NDRG2: variants seen among roughly 807,000 people sequenced by gnomAD.
The protein encoded by NDRG2 is NDRG family member 2, also known as protein NDRG2.
In NDRG2, 34 loss-of-function variants were observed where a neutral mutation model predicts 58.2. The observed-to-expected ratio is 0.58, with a 90% CI of 0.44 to 0.78. The LOEUF (loss-of-function observed/expected upper bound fraction) is 0.78, where lower values mean the gene tolerates loss of function less well. Ranked by LOEUF, NDRG2 falls within the 30% of genes least tolerant of loss-of-function variation. The pLI is 0.00. For synonymous variants in NDRG2, 187 were observed against 175.9 expected (o/e 1.06, Z -0.50); for missense variants, 434 against 471.2 (o/e 0.92, Z 0.73).
intron 7 of NDRG2, 36 bp from the exon 8 acceptor site, chr14:21,020,618 G>A: frequency 6.2e-7 from 1 of 1,605,484 alleles, no homozygotes. Flanking sequence ...TGAGAAACAG[G>A]GCATGGCCTT....
intron 1 of NDRG2, chr14:21,058,224 C>T (rs770102071): frequency 1.2e-6 from 2 of 1,614,032 alleles, no homozygotes; most frequent in East Asian, 4.5e-5. Context: ...GGTGAGCTCA[C>T]CTCAGGGAAG....
intron 1 of NDRG2, among the ~76,000 whole-genome samples, chr14:21,060,227 C>T (rs1885886821): frequency 6.6e-6 from 1 of 152,178 alleles, no homozygotes; most frequent in South Asian, 2.1e-4. Context: ...ATCCCAGCCC[C>T]CTTCTATGCT....
Position 21,070,348 on chromosome 14 carries a change from C to T in NDRG2, c.24+480G>A. The T allele has an allele frequency of 7.1e-7, 1 of 1,404,134 alleles. No homozygotes were observed. The highest frequency in any genetic ancestry group is 9.2e-7 in the Non-Finnish European group (1 of 1,084,380). 87.0% of individuals were successfully genotyped at this position (1,404,134 alleles called of 1,614,324 possible). On this transcript the variant is annotated intron_variant, in intron 1 of 14. Coordinates refer to the NDRG2 transcript ENST00000403829. This position sits in a 1 kb window ranked among gnomAD's most constrained non-coding sequence, Gnocchi z 4.7. ...CGGCGGGAGGGAGGCGGTGGCGCGC[C>T]CGGCCCCGCCCGCCCGACCAAGCGT... is the stretch of plus-strand genomic sequence containing the variant.
chr14:21,024,698 G>C lies in NDRG2; in HGVS notation c.-675C>G. ...CGGCCCGCGAAGGCAAGCGCCATCG[G>C]GAAGGGATGGGTAGGACAGAGGAGA... On this transcript the variant is annotated 5_prime_UTR_variant, in exon 1 of 16. Coordinates refer to ENST00000556147, the MANE Select transcript of NDRG2 (RefSeq NM_001320329.2). The C allele has an allele frequency of 1.0e-6, 1 of 985,458 alleles. No individual in the cohort carries two copies. The highest frequency in any genetic ancestry group is 1.2e-6 in the Non-Finnish European group (1 of 829,980). The allele number at this position is 985,458 out of a possible 1,614,324, so 61.0% of individuals were successfully genotyped here. A position where few individuals can be genotyped will look rare whatever the true frequency, so the allele number is the denominator to read the frequency against.
chr14:21,034,455 C>T (rs937240134), intron 1 of NDRG2, among the ~76,000 whole-genome samples: 1 of 152,176 alleles, frequency 6.6e-6, no homozygotes, highest in Admixed American at 6.5e-5. Context: ...TGCCCAAGGC[C>T]ACCCAGACAA....
intron 1 of NDRG2, among the ~76,000 whole-genome samples, chr14:21,045,139 C>CA (rs1257258834): frequency 2.6e-5 from 4 of 152,204 alleles, no homozygotes; most frequent in African/African-American, 9.7e-5. Flanking sequence ...CAAATACCCC[C>CA]ACTAAGGTCT....
intron 1 of NDRG2, among the ~76,000 whole-genome samples, chr14:21,054,915 C>T (rs553400367): frequency 6.6e-6 from 1 of 152,152 alleles, no homozygotes; most frequent in South Asian, 2.1e-4. Flanking sequence ...TTAAATGATG[C>T]TTGGTAGCAT....
chr14:21,026,961 C>T (rs751439438), upstream of NDRG2, among the ~76,000 whole-genome samples: 11 of 152,096 alleles, frequency 7.2e-5, no homozygotes, highest in Non-Finnish European at 1.3e-4. Context: ...AGAACTTTTG[C>T]CTGCAGGCTT....
chr14:21,046,800 A>G (rs1885188165), intron 1 of NDRG2: 1 of 152,168 alleles, frequency 6.6e-6, no homozygotes, highest in Non-Finnish European at 1.5e-5. Context: ...ATATTCCTAC[A>G]ATAAAGTAAG....
intron 1 of NDRG2, chr14:21,031,173 A>G: frequency 6.2e-7 from 1 of 1,612,874 alleles, no homozygotes. Context: ...ACTGTGAGTG[A>G]CAGCCTTCAT....
intron 1 of NDRG2, among the ~76,000 whole-genome samples, chr14:21,046,461 C>T (rs1254289448): frequency 6.6e-6 from 1 of 152,180 alleles, no homozygotes; most frequent in Non-Finnish European, 1.5e-5. Flanking sequence ...GTTGAGGCTG[C>T]AGTGAGCCAT....
chr14:21,019,145 G>A lies in NDRG2; in HGVS notation c.732C>T (p.Asn244=). Reference sequence around the variant, plus strand: ...GGGTGATATCACCTCCACGCTCAAAGTTCAGGTCTCGGCGGCTAGAAAGGG... The same window carrying A: ...GGGTGATATCACCTCCACGCTCAAAATTCAGGTCTCGGCGGCTAGAAAGGG... ...WNSYNNRRDL[N]FERGGDITLR... The change falls in exon 11 of 16, where the codon AAC becomes AAT. Residue 244 remains asparagine, a synonymous_variant. Transcript: ENST00000556147. The A allele has an allele frequency of 1.2e-6, 2 of 1,611,900 alleles. No individual in the cohort carries two copies. Among genetic ancestry groups the A allele is most frequent in the Non-Finnish European group, 1.7e-6 (2 of 1,179,360 alleles).
At chr14:21,036,099 C>T (rs924073674) in intron 1 of NDRG2, 2 of 432,196 alleles carry the variant, frequency 4.6e-6, no homozygotes, top group Non-Finnish European at 9.2e-6. Context: ...CATGGTGAGT[C>T]CTCAGTATGA....
chr14:21,023,261 G>C lies in NDRG2; in HGVS notation c.55C>G (p.Gln19Glu). ...ATAACCTTGGCCGCCTCAGGCGTCT[G>C]TCCTGGCAACAGTGGCTTCTCCTCT... is the stretch of plus-strand genomic sequence containing the variant. ...ITEEKPLLPG[Q>E]TPEAAKEAEL... The change falls in exon 2 of 16, where the codon CAG becomes GAG. Residue 19 changes from glutamine (Q) to glutamate (E), a missense_variant. Coordinates refer to ENST00000556147, the MANE Select transcript of NDRG2 (RefSeq NM_001320329.2). The C allele has an allele frequency of 2.5e-6, 4 of 1,614,028 alleles. No homozygotes were observed. The highest frequency in any genetic ancestry group is 3.4e-6 in the Non-Finnish European group (4 of 1,179,958).
At chr14:21,034,621 A>G (rs1350229532) in intron 1 of NDRG2, 5 of 269,008 alleles carry the variant, frequency 1.9e-5, no homozygotes, top group Non-Finnish European at 3.5e-5. Flanking sequence ...TCCTGCTAGT[A>G]AAAAATGCAG....
At position 21,017,672 on chromosome 14, in the gene NDRG2, C is replaced by T. The variant is rs750366803; in HGVS notation, c.1040G>A (p.Arg347His). 6.8e-6 allele frequency: 11 copies of T among 1,611,720 alleles called. No individual in the cohort carries two copies. The highest frequency in any genetic ancestry group is 7.6e-6 in the Non-Finnish European group (9 of 1,178,980). Reference sequence around the variant, plus strand: ...AGACTCGCTGCTCTGGGACAGGGTGCGAGAGCGGGACCGGTTGCCATCAAC... The same window carrying T: ...AGACTCGCTGCTCTGGGACAGGGTGTGAGAGCGGGACCGGTTGCCATCAAC... ...ASVDGNRSRSRTLSQSSESGT... is the reference protein window; with the variant it reads ...ASVDGNRSRSHTLSQSSESGT... The change falls in exon 16 of 16, where the codon CGC becomes CAC. Residue 347 changes from arginine (R) to histidine (H), a missense_variant. Coordinates refer to ENST00000556147, the MANE Select transcript of NDRG2 (RefSeq NM_001320329.2).
chr14:21,021,789 G>C, intron 6 of NDRG2, 28 bp downstream of exon 6: 4 of 1,605,234 alleles, frequency 2.5e-6, no homozygotes, highest in Non-Finnish European at 3.4e-6. Flanking sequence ...AGAGAACTCT[G>C]GTTTGGAGGG....
Position 21,070,062 on chromosome 14 carries a change from C to T in NDRG2, c.24+766G>A, listed in dbSNP as rs1051391853. On this transcript the variant is annotated intron_variant, in intron 1 of 14. Transcript: ENST00000403829. The surrounding 1 kb of genome is among the most constrained non-coding windows in gnomAD (Gnocchi z 4.7). ...AGGGTCGAGGTTACCCGCTGGAGGG[C>T]GGGGCGGAGAAGAAAGAAGGTTGCC... Among the ~76,000 whole-genome samples, 7 of 152,166 alleles carry T rather than the reference C, an allele frequency of 4.6e-5. No individual in the cohort carries two copies. Among genetic ancestry groups the T allele is most frequent in the South Asian group, 2.1e-4 (1 of 4,826 alleles).
chr14:21,067,932 T>C (rs1886358410), intron 1 of NDRG2, among the ~76,000 whole-genome samples: 1 of 151,284 alleles, frequency 6.6e-6, no homozygotes, highest in Admixed American at 6.6e-5. Context: ...CCTGATTCTC[T>C]ATCCAAACTC....
Sources: gnomAD v4.1 joint callset for allele counts (sites outside exome capture counted in the v4.1 genomes callset) on GRCh38, gnomAD v4.1.1 for gene constraint, Gnocchi (gnomAD v3.1) non-coding constraint, MANE v1.5 for transcripts, NCBI Gene and HGNC (gene_info 2026-07-23, HGNC 2026-07-21) for gene names.